The following FIGN variants were observed in gnomAD, a reference collection of about 807,000 sequenced individuals.
FIGN encodes fidgetin.
Under a neutral mutation model 51.3 loss-of-function variants are expected in FIGN, and 11 were observed. The ratio of observed to expected loss-of-function variants is 0.21; its 90% confidence interval spans 0.13 to 0.35. The LOEUF (loss-of-function observed/expected upper bound fraction) is 0.35. FIGN is among the 10% of genes least tolerant of loss of function. The probability of loss-of-function intolerance (pLI) is 1.00; values close to 1 mark genes in which losing one functional copy is unlikely to be tolerated. For missense variants in FIGN, 857 were observed against 943.6 expected, an observed-to-expected ratio of 0.91 and a Z score of 1.20; for synonymous variants, 407 against 363.2, an observed-to-expected ratio of 1.12 and a Z score of -1.37.
chr2:163,609,990 G>A lies in FIGN; in HGVS notation c.1842C>T (p.Asp614=), dbSNP rs760179591. The change falls in exon 3 of 3, where the codon GAC becomes GAT. Residue 614 remains aspartate (D), a synonymous_variant. Coordinates refer to ENST00000333129, the MANE Select transcript of FIGN (RefSeq NM_018086.4). ...GGTCCTCAGCCGAAGTTAGTACAGT[G>A]TCCAGTTGCATCAGAAATTCGGTTC... is the stretch of plus-strand genomic sequence containing the variant. ...RMRTEFLMQL[D]TVLTSAEDQI... 43 of 1,613,958 alleles carry A rather than the reference G, an allele frequency of 2.7e-5. 1 individual carries two copies. The South Asian group carries it at 4.7e-4, about 18-fold the overall frequency.
intron 2 of FIGN, among the ~76,000 whole-genome samples, chr2:163,691,418 T>A (rs991271218): frequency 6.6e-6 from 1 of 152,188 alleles, no homozygotes; most frequent in Non-Finnish European, 1.5e-5. Context: ...ACAATCTTGC[T>A]ACCTGTCCTC....
At chr2:163,675,933 G>A (rs1450230208) in intron 2 of FIGN, among the ~76,000 whole-genome samples, 1 of 151,142 alleles carries the variant, frequency 6.6e-6, no homozygotes, top group East Asian at 1.9e-4. Context: ...GCAAATACCT[G>A]GGAGAGCTGG....
At chr2:163,732,160 A>T (rs555971963) in intron 2 of FIGN, among the ~76,000 whole-genome samples, 25 of 152,214 alleles carry the variant, frequency 1.6e-4, no homozygotes, top group Non-Finnish European at 2.2e-4. Context: ...CAACATATTC[A>T]TTATTCAAGA....
At chr2:163,649,031 T>C (rs1004941456) in intron 2 of FIGN, among the ~76,000 whole-genome samples, 2 of 152,212 alleles carry the variant, frequency 1.3e-5, no homozygotes, top group Non-Finnish European at 2.9e-5. Flanking sequence ...CTTAATGAGG[T>C]ACTCTATTCA....
intron 2 of FIGN, among the ~76,000 whole-genome samples, chr2:163,675,886 A>G (rs900832008): frequency 6.6e-6 from 1 of 150,526 alleles, no homozygotes; most frequent in African/African-American, 2.4e-5. Flanking sequence ...TCCTTTTACC[A>G]AAATGCCTCA....
intron 2 of FIGN, among the ~76,000 whole-genome samples, chr2:163,616,486 A>G (rs1293942407): frequency 6.6e-6 from 1 of 152,154 alleles, no homozygotes; most frequent in African/African-American, 2.4e-5. Context: ...CAATGTTCCC[A>G]TAGGGTAATT....
intron 2 of FIGN, among the ~76,000 whole-genome samples, chr2:163,732,152 A>G (rs1020246863): frequency 7.2e-5 from 11 of 152,184 alleles, no homozygotes; most frequent in Non-Finnish European, 1.2e-4. Flanking sequence ...AATGCATACA[A>G]CATATTCATT....
intron 2 of FIGN, among the ~76,000 whole-genome samples, chr2:163,653,021 A>G (rs1683502479): frequency 6.6e-6 from 1 of 152,162 alleles, no homozygotes; most frequent in Non-Finnish European, 1.5e-5. Context: ...GAAGATTTGG[A>G]GCCAGACTTC....
At chr2:163,730,213 T>TA (rs747878782) in intron 2 of FIGN, among the ~76,000 whole-genome samples, 1 of 152,216 alleles carries the variant, frequency 6.6e-6, no homozygotes, top group Non-Finnish European at 1.5e-5. Context: ...TTTTACTTTT[T>TA]AAAATAAACA....
chr2:163,732,080 C>A (rs1411766296), intron 2 of FIGN, among the ~76,000 whole-genome samples: 3 of 152,186 alleles, frequency 2.0e-5, no homozygotes, highest in African/African-American at 7.2e-5. Flanking sequence ...CTGCTTCTAA[C>A]TGCTTTCACA....
chr2:163,688,257 G>A (rs766157867), intron 2 of FIGN, among the ~76,000 whole-genome samples: 18 of 152,150 alleles, frequency 1.2e-4, no homozygotes, highest in Admixed American at 5.2e-4. Context: ...GAGACCTATC[G>A]TGTGCTCAGA....
chr2:163,668,491 A>T (rs1683820539), intron 2 of FIGN, among the ~76,000 whole-genome samples: 1 of 152,210 alleles, frequency 6.6e-6, no homozygotes, highest in African/African-American at 2.4e-5. Context: ...GGTGAGCTGG[A>T]TAAAGGCTTT....
chr2:163,690,271 C>G (rs942035579), intron 2 of FIGN, among the ~76,000 whole-genome samples: 36 of 152,058 alleles, frequency 2.4e-4, no homozygotes, highest in Non-Finnish European at 4.6e-4. Context: ...GCTGGTGTGG[C>G]TAACTCAGGA....
At chr2:163,719,880 C>T (rs1391646981) in intron 2 of FIGN, among the ~76,000 whole-genome samples, 1 of 152,060 alleles carries the variant, frequency 6.6e-6, no homozygotes, top group Non-Finnish European at 1.5e-5. Context: ...AGTATAAAAT[C>T]CTCTAAAATT....
chr2:163,660,837 A>ATATATATACATATATATG (rs796535726), intron 2 of FIGN, among the ~76,000 whole-genome samples: 1 of 32,286 alleles, frequency 3.1e-5, no homozygotes, highest in African/African-American at 8.3e-5. Context: ...ATGTATACAT[A>ATATATATACATATATATG]TATACATATA....
intron 2 of FIGN, among the ~76,000 whole-genome samples, chr2:163,645,737 T>G (rs942123190): frequency 3.3e-5 from 5 of 152,182 alleles, no homozygotes; most frequent in African/African-American, 1.2e-4. Context: ...TCGCTCACAT[T>G]AGAGCATTGT....
intron 2 of FIGN, among the ~76,000 whole-genome samples, chr2:163,655,186 C>T (rs966016599): frequency 2.0e-5 from 3 of 152,048 alleles, no homozygotes; most frequent in African/African-American, 7.3e-5. Context: ...AAGTAGCCAA[C>T]ACTTGACAAA....
intron 2 of FIGN, among the ~76,000 whole-genome samples, chr2:163,686,553 T>C (rs1023215435): frequency 2.0e-5 from 3 of 152,090 alleles, no homozygotes; most frequent in Admixed American, 2.0e-4. Flanking sequence ...GAAACTGCCT[T>C]ATGTAGATTA....
intron 2 of FIGN, among the ~76,000 whole-genome samples, chr2:163,714,017 C>A (rs774021372): frequency 6.6e-6 from 1 of 152,126 alleles, no homozygotes; most frequent in South Asian, 2.1e-4. Context: ...GTGGTCAGCT[C>A]GGGCACTTGC....
Sources: allele counts gnomAD v4.1 joint callset (sites outside exome capture counted in the v4.1 genomes callset), GRCh38; gene constraint gnomAD v4.1.1; transcripts MANE v1.5; gene names NCBI Gene and HGNC (gene_info 2026-07-23, HGNC 2026-07-21).